The following DOCK2 variants were observed in gnomAD, a reference collection of about 807,000 sequenced individuals.
The protein encoded by DOCK2 is dedicator of cytokinesis 2, also known as dedicator of cytokinesis protein 2.
DOCK2 carries 87 observed loss-of-function variants against 248.9 expected under a neutral mutation model. The ratio of observed to expected loss-of-function variants is 0.35; its 90% CI spans 0.29 to 0.42. DOCK2 has a LOEUF of 0.42. Among genes scored for constraint, DOCK2 ranks in the 10% least tolerant of loss-of-function variants. DOCK2 has a pLI of 1.00. For synonymous variants in DOCK2, 805 were observed against 821.6 expected, an observed-to-expected ratio of 0.98 and a Z score of 0.35; for missense variants, 1,747 against 2,300.2, an observed-to-expected ratio of 0.76 and a Z score of 4.92.
chr5:169,984,619 C>T (rs890978112), intron 28 of DOCK2, among the ~76,000 whole-genome samples: 3 of 152,172 alleles, frequency 2.0e-5, no homozygotes, highest in Non-Finnish European at 4.4e-5. Context: ...TTATGTTCCT[C>T]CTATCCTCAC....
At chr5:170,024,582 C>T (rs891014098) in intron 33 of DOCK2, among the ~76,000 whole-genome samples, 4 of 152,060 alleles carry the variant, frequency 2.6e-5, no homozygotes, top group Non-Finnish European at 5.9e-5. Context: ...GTGCCTTATA[C>T]GTGTGTTTGC....
intron 25 of DOCK2, 122 bp from the exon 26 acceptor site, chr5:169,802,936 A>C: frequency 1.6e-6 from 2 of 1,236,484 alleles, no homozygotes; most frequent in Non-Finnish European, 2.2e-6. Flanking sequence ...TAATATTTTA[A>C]TTTTTTACAA....
intron 25 of DOCK2, among the ~76,000 whole-genome samples, chr5:169,789,677 A>G (rs1043186043): frequency 6.6e-6 from 1 of 152,154 alleles, no homozygotes; most frequent in Non-Finnish European, 1.5e-5. Context: ...TTTATGATAC[A>G]TTTCTTAAAT....
At chr5:169,842,459 G>C (rs1264499501) in intron 27 of DOCK2, among the ~76,000 whole-genome samples, 4 of 152,172 alleles carry the variant, frequency 2.6e-5, no homozygotes, top group African/African-American at 9.7e-5. Context: ...CTGGGTTCAA[G>C]TGATTGTCTG....
chr5:170,078,649 A>G (rs1014586515), intron 48 of DOCK2, among the ~76,000 whole-genome samples: 3 of 152,248 alleles, frequency 2.0e-5, no homozygotes, highest in Non-Finnish European at 4.4e-5. Flanking sequence ...TCATTCAGCT[A>G]AGAACTGGCC....
chr5:169,804,494 G>A (rs59341173), intron 26 of DOCK2, among the ~76,000 whole-genome samples: 5,125 of 57,932 alleles, frequency 0.088, 290 homozygotes, highest in African/African-American at 0.17. Flanking sequence ...GTGCGCGCGC[G>A]CGTGCGCGTA....
intron 23 of DOCK2, among the ~76,000 whole-genome samples, chr5:169,749,442 G>T (rs1763787848): frequency 6.6e-6 from 1 of 152,172 alleles, no homozygotes; most frequent in South Asian, 2.1e-4. Flanking sequence ...ATTATTCTGA[G>T]TGTTGAAAAC....
intron 26 of DOCK2, among the ~76,000 whole-genome samples, chr5:169,831,073 A>G (rs2113289547): frequency 6.6e-6 from 1 of 152,312 alleles, no homozygotes; most frequent in Middle Eastern, 3.4e-3. Context: ...ATATGTGATT[A>G]TGAACATTTC....
At chr5:169,975,232 A>G (rs1213006112) in intron 27 of DOCK2, among the ~76,000 whole-genome samples, 1 of 151,840 alleles carries the variant, frequency 6.6e-6, no homozygotes. Context: ...CTTTTCACAA[A>G]CTCCTGACCC....
At chr5:169,899,043 C>G (rs986445665) in intron 27 of DOCK2, among the ~76,000 whole-genome samples, 3 of 152,196 alleles carry the variant, frequency 2.0e-5, no homozygotes, top group African/African-American at 7.2e-5. Context: ...CTCTCTGAGA[C>G]TTGGCTTCCT....
intron 23 of DOCK2, among the ~76,000 whole-genome samples, chr5:169,755,179 C>T (rs1561665820): frequency 1.3e-5 from 2 of 151,864 alleles, no homozygotes; most frequent in African/African-American, 4.8e-5. Context: ...ACCCTGGGCT[C>T]AAGTGATCAA....
At chr5:169,800,943 T>G (rs1766928117) in intron 25 of DOCK2, among the ~76,000 whole-genome samples, 1 of 110,702 alleles carries the variant, frequency 9.0e-6, no homozygotes. Flanking sequence ...TTTCTTTCTT[T>G]CTTTTTTTTT....
intron 25 of DOCK2, among the ~76,000 whole-genome samples, chr5:169,781,290 G>C (rs370460207): frequency 6.6e-6 from 1 of 152,174 alleles, no homozygotes; most frequent in Non-Finnish European, 1.5e-5. Flanking sequence ...TCTCATCAAG[G>C]TTATAACAAA....
chr5:169,823,775 A>G (rs1483214934), intron 26 of DOCK2, among the ~76,000 whole-genome samples: 1 of 152,220 alleles, frequency 6.6e-6, no homozygotes, highest in East Asian at 1.9e-4. Context: ...GGCCAGGGCA[A>G]TCAGACAGGA....
At chr5:169,803,658 G>A (rs1767135697) in intron 26 of DOCK2, among the ~76,000 whole-genome samples, 1 of 152,192 alleles carries the variant, frequency 6.6e-6, no homozygotes, top group African/African-American at 2.4e-5. Flanking sequence ...GCAGATTGCT[G>A]GGGCTCAGAT....
chr5:169,681,376 G>A (rs1022483908), intron 6 of DOCK2, among the ~76,000 whole-genome samples: 17 of 151,088 alleles, frequency 1.1e-4, no homozygotes, highest in African/African-American at 3.2e-4. Flanking sequence ...CACCCACCTC[G>A]GCCTCCCAAA....
At position 169,807,833 on chromosome 5, in the gene DOCK2, C is replaced by CAAAAAAAAAAAAAAAAAAAA. The variant is rs61670398; in HGVS notation, c.2703+4634_2703+4653dup. 1.6e-3 allele frequency among the ~76,000 whole-genome samples: 39 copies of CAAAAAAAAAAAAAAAAAAAA among 24,228 alleles called. 3 individuals are homozygous for CAAAAAAAAAAAAAAAAAAAA. Among genetic ancestry groups the CAAAAAAAAAAAAAAAAAAAA allele is most frequent in the East Asian group, 5.4e-3 (3 of 552 alleles). The allele number at this position is 24,228 out of a possible 152,430, so 15.9% of individuals were successfully genotyped here. ...TGGGAGACAGAGCAAGACTCTGTCTCAAAAAAAAAAAAAAAAAAAAAAAAA... is the reference window on the plus strand; with the variant it reads ...TGGGAGACAGAGCAAGACTCTGTCTCAAAAAAAAAAAAAAAAAAAAAAAAAAAAAAAAAAAAAAAAAAAAA... On this transcript the variant is annotated intron_variant, in intron 26 of 51. Coordinates refer to ENST00000520908, the MANE Select transcript of DOCK2 (RefSeq NM_004946.3).
chr5:169,843,757 C>T (rs573511565), intron 27 of DOCK2, among the ~76,000 whole-genome samples: 2 of 152,286 alleles, frequency 1.3e-5, no homozygotes, highest in Admixed American at 1.3e-4. Flanking sequence ...CTTTTCATCT[C>T]CATAGATTAC....
intron 3 of DOCK2, 59 bp from the exon 4 acceptor site, chr5:169,670,483 T>G: frequency 6.3e-7 from 1 of 1,586,460 alleles, no homozygotes. Flanking sequence ...GGGTCATTCA[T>G]TTCTGTGGTG....
Sources: gnomAD v4.1 joint callset for allele counts (sites outside exome capture counted in the v4.1 genomes callset) on GRCh38, gnomAD v4.1.1 for gene constraint, MANE v1.5 for transcripts, NCBI Gene and HGNC (gene_info 2026-07-23, HGNC 2026-07-21) for gene names.